The following DPF3 variants were observed in gnomAD, a reference collection of about 807,000 sequenced individuals.
DPF3 encodes the protein double PHD fingers 3.
DPF3 carries 18 observed loss-of-function variants against 56.8 expected under a neutral mutation model. The ratio of observed to expected loss-of-function variants is 0.32; its 90% CI spans 0.22 to 0.47. The LOEUF (loss-of-function observed/expected upper bound fraction) is 0.47. Ranked by LOEUF, DPF3 falls within the 20% of genes least tolerant of loss-of-function variation. The pLI is 1.00. For synonymous variants in DPF3, 188 were observed against 180.2 expected, an observed-to-expected ratio of 1.04 and a Z score of -0.35; for missense variants, 403 against 488.8, an observed-to-expected ratio of 0.82 and a Z score of 1.65.
intron 6 of DPF3, among the ~76,000 whole-genome samples, chr14:72,700,285 T>G (rs1031814388): frequency 6.6e-6 from 1 of 152,140 alleles, no homozygotes; most frequent in Non-Finnish European, 1.5e-5. Context: ...CCAGACAGGG[T>G]CCGAGTTCAG....
chr14:72,688,418 A>G (rs1887528173), intron 7 of DPF3, among the ~76,000 whole-genome samples: 1 of 152,216 alleles, frequency 6.6e-6, no homozygotes. Context: ...CCAGGACTTC[A>G]TAAATGTCTA....
intron 8 of DPF3, among the ~76,000 whole-genome samples, chr14:72,634,278 GACC>G (rs1361941980): frequency 1.1e-4 from 17 of 152,104 alleles, no homozygotes; most frequent in Admixed American, 9.8e-4. Flanking sequence ...CTCCTGTCTG[GACC>G]ACCATAACAG....
At chr14:72,857,450 T>G (rs1483807445) in intron 1 of DPF3, among the ~76,000 whole-genome samples, 1 of 152,194 alleles carries the variant, frequency 6.6e-6, no homozygotes. Context: ...TGAGTTTCAA[T>G]TGATAATCCC....
At chr14:72,697,301 G>A (rs1015819884) in intron 6 of DPF3, among the ~76,000 whole-genome samples, 4 of 152,164 alleles carry the variant, frequency 2.6e-5, no homozygotes, top group African/African-American at 7.2e-5. Flanking sequence ...GGAGGAGGTC[G>A]CAGTCTAGCA....
chr14:72,820,248 T>C (rs1212475959), intron 1 of DPF3, among the ~76,000 whole-genome samples: 3 of 152,128 alleles, frequency 2.0e-5, no homozygotes, highest in Admixed American at 2.0e-4. Flanking sequence ...ATTCTTAATA[T>C]ACAAAATGTC....
chr14:72,672,263 T>A (rs1243161077), intron 8 of DPF3, among the ~76,000 whole-genome samples: 2 of 152,130 alleles, frequency 1.3e-5, no homozygotes. Context: ...CCAGGACTGC[T>A]CTTGTATAAA....
intron 5 of DPF3, among the ~76,000 whole-genome samples, chr14:72,722,724 C>T (rs1193750906): frequency 6.6e-6 from 1 of 152,240 alleles, no homozygotes; most frequent in Non-Finnish European, 1.5e-5. Context: ...GGAGGTCCCT[C>T]TCCACCTGGT....
At chr14:72,738,304 C>T (rs1445799811) in intron 3 of DPF3, among the ~76,000 whole-genome samples, 1 of 152,094 alleles carries the variant, frequency 6.6e-6, no homozygotes, top group African/African-American at 2.4e-5. Context: ...GACCCATCAC[C>T]CAGGCTGCAC....
intron 1 of DPF3, among the ~76,000 whole-genome samples, chr14:72,849,475 T>TC (rs1884886679): frequency 6.6e-6 from 1 of 152,056 alleles, no homozygotes; most frequent in Non-Finnish European, 1.5e-5. Flanking sequence ...TTGGACAGCA[T>TC]CCCCCGGGGC....
At chr14:72,810,031 G>C (rs564611499) in intron 1 of DPF3, among the ~76,000 whole-genome samples, 1 of 152,308 alleles carries the variant, frequency 6.6e-6, no homozygotes, top group Admixed American at 6.5e-5. Context: ...TGTACATGTT[G>C]AGAATCTATA....
intron 2 of DPF3, among the ~76,000 whole-genome samples, chr14:72,760,512 C>T (rs77669379): frequency 1.8e-3 from 281 of 152,280 alleles, no homozygotes; most frequent in Middle Eastern, 0.01. Context: ...AGGTAACATA[C>T]GCACAGATTT....
At chr14:72,836,952 C>T (rs1243076842) in intron 1 of DPF3, among the ~76,000 whole-genome samples, 1 of 152,118 alleles carries the variant, frequency 6.6e-6, no homozygotes, top group Admixed American at 6.5e-5. Flanking sequence ...TCACTGCAAC[C>T]TCCACCTCCC....
chr14:72,772,348 G>A (rs1361581797), intron 1 of DPF3, among the ~76,000 whole-genome samples: 2 of 152,144 alleles, frequency 1.3e-5, no homozygotes, highest in East Asian at 3.8e-4. Context: ...CAAATCACCA[G>A]CAAAGATACT....
At chr14:72,827,168 G>C (rs747826730) in intron 1 of DPF3, among the ~76,000 whole-genome samples, 25 of 152,058 alleles carry the variant, frequency 1.6e-4, no homozygotes, top group Non-Finnish European at 3.4e-4. Context: ...TGTTCCGCTT[G>C]GGGTGGTTAC....
At chr14:72,892,735 C>A in intron 1 of DPF3, 1 of 983,964 alleles carries the variant, frequency 1.0e-6, no homozygotes, top group Non-Finnish European at 1.2e-6. Flanking sequence ...ACCTGCACCT[C>A]CCTCTGCCAC....
intron 1 of DPF3, among the ~76,000 whole-genome samples, chr14:72,850,081 T>C (rs1352396042): frequency 6.6e-6 from 1 of 152,068 alleles, no homozygotes; most frequent in Non-Finnish European, 1.5e-5. Context: ...ATCATACCAC[T>C]GCACTCCTGC....
At chr14:72,652,067 T>C (rs1885924948) in intron 8 of DPF3, among the ~76,000 whole-genome samples, 1 of 152,150 alleles carries the variant, frequency 6.6e-6, no homozygotes, top group Non-Finnish European at 1.5e-5. Flanking sequence ...TCTCCAGCTA[T>C]AAAATAGGAA....
chr14:72,760,349 T>G (rs571300835), intron 2 of DPF3, among the ~76,000 whole-genome samples: 34 of 152,300 alleles, frequency 2.2e-4, no homozygotes, highest in African/African-American at 7.7e-4. Context: ...CGCATGCCTG[T>G]AATCCATCAA....
chr14:72,618,134 A>G lies in DPF3; in HGVS notation c.*1163T>C, dbSNP rs1884204162. 6.6e-6 allele frequency among the ~76,000 whole-genome samples: 1 copy of G among 152,136 alleles called. No homozygotes were observed. The highest frequency in any genetic ancestry group is 1.5e-5 in the Non-Finnish European group (1 of 68,026). ...GAGCAGCCCCCGCACTGAGAGTTCT[A>G]AAATGTGGCCACCCTGGTCGTGAAT... On this transcript the variant is annotated 3_prime_UTR_variant, in exon 11 of 11. Transcript: ENST00000556509.
Sources: gnomAD v4.1 joint callset for allele counts (sites outside exome capture counted in the v4.1 genomes callset) on GRCh38, gnomAD v4.1.1 for gene constraint, MANE v1.5 for transcripts, NCBI Gene and HGNC (gene_info 2026-07-23, HGNC 2026-07-21) for gene names.